The following FLT1 variants were observed in gnomAD, a reference collection of about 807,000 sequenced individuals.
FLT1 encodes the protein fms related receptor tyrosine kinase 1.
FLT1 carries 49 observed loss-of-function variants against 156.3 expected under a neutral mutation model. The ratio of observed to expected loss-of-function variants is 0.31; its 90% CI spans 0.25 to 0.40. FLT1 has a LOEUF of 0.40. FLT1 is among the 10% of genes least tolerant of loss of function. The pLI is 1.00. For synonymous variants in FLT1, 594 were observed against 583.8 expected, an observed-to-expected ratio of 1.02 and a Z score of -0.25; for missense variants, 1,322 against 1,637.2, an observed-to-expected ratio of 0.81 and a Z score of 3.32.
chr13:28,348,717 G>A (rs771336405), intron 15 of FLT1, among the ~76,000 whole-genome samples: 3 of 152,188 alleles, frequency 2.0e-5, no homozygotes, highest in Non-Finnish European at 4.4e-5. Context: ...AGACCATCCC[G>A]GCTAATACCG....
chr13:28,390,694 G>A (rs1874660038), intron 12 of FLT1, among the ~76,000 whole-genome samples: 1 of 152,168 alleles, frequency 6.6e-6, no homozygotes, highest in Admixed American at 6.5e-5. Context: ...ACTGCACCTG[G>A]CCTCATTTCC....
rs678947 is a variant in FLT1, at chr13:28,461,585, G to A, written c.388+5318C>T. On this transcript the variant is annotated intron_variant, in intron 3 of 29. Transcript: ENST00000282397. ...TCCTCAGAATCGCCACTGCACTCCAGCCTGGGCGACAAAGCAAGACTATCT... is the reference window on the plus strand; with the variant it reads ...TCCTCAGAATCGCCACTGCACTCCAACCTGGGCGACAAAGCAAGACTATCT... 4.8e-3 allele frequency among the ~76,000 whole-genome samples: 733 copies of A among 152,220 alleles called. 9 individuals carry two copies. Among genetic ancestry groups the A allele is most frequent in the African/African-American group, 0.017 (696 of 41,530 alleles).
rs1404141367 is a variant in FLT1 at position 28,439,913 on chromosome 13, A to C, written c.389-1568T>G. ...TGTAGTTTTAAGCCAAAAAAGAAAA[A>C]AAAGTGGGCCATTGCTGTAGCCTGC... On this transcript the variant is annotated intron_variant, in intron 3 of 29. Coordinates refer to ENST00000282397, the MANE Select transcript of FLT1 (RefSeq NM_002019.4). This position sits in a 1 kb window ranked among gnomAD's most constrained non-coding sequence, Gnocchi z 4.1. Among the ~76,000 whole-genome samples, 1 of 152,236 alleles carries C rather than the reference A, an allele frequency of 6.6e-6. No individual in the cohort carries two copies. Among genetic ancestry groups the C allele is most frequent in the Non-Finnish European group, 1.5e-5 (1 of 68,046 alleles).
At chr13:28,326,297 TAG>T (rs1372808240) in intron 20 of FLT1, among the ~76,000 whole-genome samples, 1 of 152,160 alleles carries the variant, frequency 6.6e-6, no homozygotes, top group Non-Finnish European at 1.5e-5. Flanking sequence ...TCATGAGAAG[TAG>T]AGACAGGATT....
chr13:28,407,586 T>A (rs1351979083), intron 10 of FLT1, among the ~76,000 whole-genome samples: 1 of 152,158 alleles, frequency 6.6e-6, no homozygotes. Context: ...CGTGGTGGTG[T>A]TTGCACCTAA....
intron 16 of FLT1, among the ~76,000 whole-genome samples, chr13:28,339,694 G>C (rs9554322): frequency 0.54 from 82,700 of 152,068 alleles, 25,290 homozygotes; most frequent in East Asian, 0.79. Context: ...TGTATAAGCA[G>C]GAATATATAT....
Position 28,420,493 on chromosome 13 carries a change from G to A in FLT1, c.1436+6666C>T, listed in dbSNP as rs141624441. 4.7e-3 allele frequency among the ~76,000 whole-genome samples: 722 copies of A among 152,286 alleles called. 5 individuals are homozygous for A. Among genetic ancestry groups the A allele is most frequent in the Non-Finnish European group, 5.5e-3 (377 of 68,022 alleles). ...GGATACAAATTGTATGTGTACTTAG[G>A]AAGAATGTGATCAATATTAAAACAT... On this transcript the variant is annotated intron_variant, in intron 10 of 29. Coordinates refer to ENST00000282397, the MANE Select transcript of FLT1 (RefSeq NM_002019.4).
At chr13:28,423,711 G>C (rs1479728791) in intron 10 of FLT1, among the ~76,000 whole-genome samples, 2 of 152,124 alleles carry the variant, frequency 1.3e-5, no homozygotes, top group Non-Finnish European at 2.9e-5. Flanking sequence ...CTTTATATGA[G>C]CAGAGGCTGC....
chr13:28,441,941 T>C (rs745727212), intron 3 of FLT1, among the ~76,000 whole-genome samples: 3 of 152,344 alleles, frequency 2.0e-5, no homozygotes, highest in Non-Finnish European at 2.9e-5. Context: ...TAAAGCTCCA[T>C]CCATTTTTGC....
At position 28,430,531 on chromosome 13, in the gene FLT1, C is replaced by T. The variant is rs113555863; in HGVS notation, c.989-364G>A. ...AGTTGCTCTGTACACCCTAAAACAA[C>T]CAATTTGATATCAAAAATCAACTGG... On this transcript the variant is annotated intron_variant, in intron 7 of 29. Coordinates refer to ENST00000282397, the MANE Select transcript of FLT1 (RefSeq NM_002019.4). Among the ~76,000 whole-genome samples the T allele has an allele frequency of 5.1e-3, 770 of 152,210 alleles. 10 individuals carry two copies. Among genetic ancestry groups the T allele is most frequent in the African/African-American group, 0.018 (736 of 41,540 alleles).
intron 16 of FLT1, among the ~76,000 whole-genome samples, chr13:28,340,230 AG>A (rs1872279955): frequency 6.6e-6 from 1 of 151,124 alleles, no homozygotes; most frequent in Non-Finnish European, 1.5e-5. Flanking sequence ...AAAAAAAAAA[AG>A]ATTATTTCAA....
At chr13:28,380,942 A>T (rs1229321114) in intron 14 of FLT1, among the ~76,000 whole-genome samples, 1 of 152,118 alleles carries the variant, frequency 6.6e-6, no homozygotes, top group African/African-American at 2.4e-5. Context: ...GGGCTCCGAG[A>T]GTAAGGAATA....
intron 27 of FLT1, 148 bp downstream of exon 27, chr13:28,311,442 G>A (rs539913124): frequency 1.3e-6 from 1 of 748,302 alleles, no homozygotes; most frequent in East Asian, 2.7e-5. Context: ...TATGGGTGGT[G>A]ATCAACATAA....
At chr13:28,357,737 C>T (rs760785338) in intron 14 of FLT1, 52 bp from the exon 15 acceptor site, 2 of 1,552,460 alleles carry the variant, frequency 1.3e-6, no homozygotes, top group South Asian at 2.2e-5. Flanking sequence ...AAACAAAAAA[C>T]AGCTACTTCT....
intron 29 of FLT1, among the ~76,000 whole-genome samples, chr13:28,305,079 G>A (rs2138804566): frequency 6.6e-6 from 1 of 152,220 alleles, no homozygotes; most frequent in Middle Eastern, 3.4e-3. Flanking sequence ...CGGGATAACT[G>A]TTTAACCTTA....
rs569832755 is a variant in FLT1, at chr13:28,339,415, A to C, written c.2356-115T>G. On this transcript the variant is annotated intron_variant, in intron 16 of 29. Transcript: ENST00000282397. Reference sequence around the variant, plus strand: ...ATCATTTGGTTGAAACTGTGTGGCCAGGTGCAGAAAGTACTTCTCCACATT... The same window carrying C: ...ATCATTTGGTTGAAACTGTGTGGCCCGGTGCAGAAAGTACTTCTCCACATT... 2.2e-5 allele frequency: 24 copies of C among 1,088,186 alleles called. No individual in the cohort carries two copies. In the East Asian group the frequency reaches 5.7e-4, roughly 26 times the overall value. The allele number at this position is 1,088,186 out of a possible 1,614,324, so 67.4% of individuals were successfully genotyped here.
intron 14 of FLT1, among the ~76,000 whole-genome samples, chr13:28,374,482 T>A (rs1202634544): frequency 6.6e-6 from 1 of 151,780 alleles, no homozygotes; most frequent in African/African-American, 2.4e-5. Context: ...TCTAAAGTGA[T>A]GCCCACATTT....
At chr13:28,373,418 C>T (rs1336540408) in intron 14 of FLT1, among the ~76,000 whole-genome samples, 1 of 152,060 alleles carries the variant, frequency 6.6e-6, no homozygotes, top group Non-Finnish European at 1.5e-5. Context: ...GGACTGAGTT[C>T]ACTGACTAGT....
At chr13:28,416,887 C>A (rs1380596695) in intron 10 of FLT1, among the ~76,000 whole-genome samples, 1 of 152,126 alleles carries the variant, frequency 6.6e-6, no homozygotes, top group Non-Finnish European at 1.5e-5. Context: ...GATGACAAGG[C>A]AAATGGAACA....
Sources: gnomAD v4.1 joint callset for allele counts (sites outside exome capture counted in the v4.1 genomes callset) on GRCh38, gnomAD v4.1.1 for gene constraint, Gnocchi (gnomAD v3.1) non-coding constraint, MANE v1.5 for transcripts, NCBI Gene and HGNC (gene_info 2026-07-23, HGNC 2026-07-21) for gene names.